Variants in SETD3 observed in about 807,000 individuals in gnomAD.
SETD3 encodes the protein actin-histidine N-methyltransferase.
Under a neutral mutation model 63.0 loss-of-function variants are expected in SETD3, and 19 were observed. The observed-to-expected ratio is 0.30, with a 90% CI of 0.21 to 0.44. The LOEUF is 0.44. Among genes scored for constraint, SETD3 ranks in the 20% least tolerant of loss-of-function variants. The pLI, the probability that SETD3 is intolerant of heterozygous loss-of-function variation, is 1.00. For synonymous variants in SETD3, 286 were observed against 264.1 expected (o/e 1.08, Z -0.80); for missense variants, 587 against 728.5 (o/e 0.81, Z 2.24).
At chr14:99,400,401 A>C (rs1211893231) in intron 11 of SETD3, 142 bp from the exon 12 acceptor site, 1 of 809,816 alleles carries the variant, frequency 1.2e-6, no homozygotes, top group Non-Finnish European at 1.9e-6. Flanking sequence ...GGGCCAGGCC[A>C]CTCCTAGACT....
At chr14:99,399,839 C>T (rs1169979440) in intron 12 of SETD3, among the ~76,000 whole-genome samples, 1 of 151,040 alleles carries the variant, frequency 6.6e-6, no homozygotes, top group Non-Finnish European at 1.5e-5. Flanking sequence ...CAACCTCCGC[C>T]TCCTGGGTTC....
chr14:99,482,519 T>A (rs1465117096), upstream of SETD3, among the ~76,000 whole-genome samples: 1 of 152,236 alleles, frequency 6.6e-6, no homozygotes, highest in Admixed American at 6.5e-5. Context: ...TGTTAAATAA[T>A]CTTGACTATG....
At chr14:99,424,903 A>C (rs2139674326) in intron 6 of SETD3, among the ~76,000 whole-genome samples, 1 of 152,250 alleles carries the variant, frequency 6.6e-6, no homozygotes, top group South Asian at 2.1e-4. Flanking sequence ...GGCCAGGCTG[A>C]GAAGGCTAGA....
At chr14:99,402,272 A>G (rs183904705) in intron 11 of SETD3, among the ~76,000 whole-genome samples, 72 of 152,238 alleles carry the variant, frequency 4.7e-4, no homozygotes, top group African/African-American at 1.7e-3. Flanking sequence ...TCCATGTACT[A>G]TGTTATCTGT....
rs1895340962 is a variant in SETD3, at chr14:99,465,833, A to G, written c.-8-20T>C. 1 of 1,553,756 alleles carries G rather than the reference A, an allele frequency of 6.4e-7. No homozygotes were observed. The highest frequency in any genetic ancestry group is 1.1e-5 in the South Asian group (1 of 88,660). ...TTCTGACTACAGAGAAGAGAAAGAA[A>G]AGAGAAAAAAATTACATTACCAAAG... is the stretch of plus-strand genomic sequence containing the variant. On this transcript the variant is annotated intron_variant, in intron 1 of 12. Coordinates refer to ENST00000331768, the MANE Select transcript of SETD3 (RefSeq NM_032233.3).
chr14:99,479,801 T>C (rs547176352), intron 1 of SETD3, among the ~76,000 whole-genome samples: 2 of 152,336 alleles, frequency 1.3e-5, no homozygotes, highest in East Asian at 3.9e-4. Context: ...CATCACCTTA[T>C]TTATTTAGAA....
chr14:99,451,075 TTAAGG>T (rs1451528571), intron 6 of SETD3, among the ~76,000 whole-genome samples: 2 of 152,204 alleles, frequency 1.3e-5, no homozygotes, highest in East Asian at 1.9e-4. Context: ...TTCAACTATG[TTAAGG>T]TAAGTAAAAT....
intron 8 of SETD3, among the ~76,000 whole-genome samples, chr14:99,409,294 G>C (rs1416087185): frequency 6.6e-6 from 1 of 152,144 alleles, no homozygotes; most frequent in Non-Finnish European, 1.5e-5. Context: ...AAAAGACACA[G>C]GGAGAAAAAA....
In SETD3 at chr14:99,398,968, A is replaced by G. The variant is rs749161821; in HGVS notation, c.1496T>C (p.Leu499Pro). 4 of 1,614,168 alleles carry G rather than the reference A, an allele frequency of 2.5e-6. No individual in the cohort carries two copies. The change falls in exon 13 of 13, where the codon CTT becomes CCT. Residue 499 changes from leucine (L) to proline (P), a missense_variant. By Grantham distance (98) the Leu-to-Pro change is moderately conservative. Transcript: ENST00000331768. ...YRQQMEEKAP[L>P]PKYEESNLGL... is the part of the protein sequence containing the mutation. ...AAGGTTACTCTCTTCATATTTGGGA[A>G]GCGGAGCCTTTTCCTCCATCTGTTG...
At chr14:99,425,773 A>C (rs1595181420) in intron 6 of SETD3, among the ~76,000 whole-genome samples, 1 of 152,278 alleles carries the variant, frequency 6.6e-6, no homozygotes, top group African/African-American at 2.4e-5. Flanking sequence ...TACAGAAGAG[A>C]ATCTCTTCTT....
intron 3 of SETD3, among the ~76,000 whole-genome samples, chr14:99,461,717 T>G (rs1489799928): frequency 1.3e-5 from 2 of 152,208 alleles, no homozygotes; most frequent in African/African-American, 4.8e-5. Context: ...CACATTTGCT[T>G]TAACAAAATT....
At chr14:99,403,455 A>ACACTCTCTCTCTCTCTCTCTCT (rs1416541957) in intron 11 of SETD3, among the ~76,000 whole-genome samples, 5 of 135,538 alleles carry the variant, frequency 3.7e-5, no homozygotes, top group South Asian at 4.7e-4. Flanking sequence ...ACACACACAC[A>ACACTCTCTCTCTCTCTCTCTCT]CTCTCTCTCT....
chr14:99,472,527 CAAAT>C (rs969235718), intron 1 of SETD3, among the ~76,000 whole-genome samples: 1 of 152,032 alleles, frequency 6.6e-6, no homozygotes, highest in Non-Finnish European at 1.5e-5. Flanking sequence ...ATGAGACACT[CAAAT>C]AGGTATTCTG....
At chr14:99,401,970 C>G (rs1390679996) in intron 11 of SETD3, among the ~76,000 whole-genome samples, 2 of 151,544 alleles carry the variant, frequency 1.3e-5, no homozygotes, top group African/African-American at 4.9e-5. Context: ...GGCCTGCCTG[C>G]AGGCCAGGAG....
intron 6 of SETD3, among the ~76,000 whole-genome samples, chr14:99,444,081 G>T (rs994782298): frequency 2.0e-5 from 3 of 152,132 alleles, no homozygotes; most frequent in African/African-American, 7.2e-5. Context: ...TGGCCAGGCT[G>T]AGCTAGTGGG....
Position 99,398,623 on chromosome 14 carries a change from A to G in SETD3, c.*56T>C. ...TTAACAAGGAAACACAGCGATGTGA[A>G]CGGACTGTCCGTCAACTCCTGCTCC... is the stretch of plus-strand genomic sequence containing the variant. On this transcript the variant is annotated 3_prime_UTR_variant, in exon 13 of 13. Transcript: ENST00000331768. 8 of 1,488,976 alleles carry G rather than the reference A, an allele frequency of 5.4e-6. No homozygotes were observed. The highest frequency in any genetic ancestry group is 7.4e-6 in the Non-Finnish European group (8 of 1,079,448). The allele number at this position is 1,488,976 out of a possible 1,614,324, so 92.2% of individuals were successfully genotyped here.
chr14:99,485,322 C>G (rs954751951), upstream of SETD3, among the ~76,000 whole-genome samples: 11 of 152,182 alleles, frequency 7.2e-5, no homozygotes, highest in African/African-American at 2.7e-4. Flanking sequence ...ACACTGTTCC[C>G]CGTTCTGCCC....
chr14:99,450,828 T>C (rs1218749964), intron 6 of SETD3, among the ~76,000 whole-genome samples: 7 of 152,220 alleles, frequency 4.6e-5, no homozygotes, highest in South Asian at 2.1e-4. Flanking sequence ...TTAATAGATA[T>C]GTCTCTATTC....
At position 99,461,204 on chromosome 14, in the gene SETD3, T is replaced by G. The variant is rs1895045210; in HGVS notation, c.333A>C (p.Thr111=). Reference sequence around the variant, plus strand: ...TTTATAAACTCACCTTGATATCTCTTGTTGCTCTCAAACCAAAGCCCTCTT... The same window carrying G: ...TTTATAAACTCACCTTGATATCTCTGGTTGCTCTCAAACCAAAGCCCTCTT... The part of the protein sequence containing the change: ...FKEEGFGLRA[T]RDIKAEELFL... Residue 111 remains threonine (T), a synonymous_variant, in exon 4 of 13, where the codon ACA becomes ACC. Coordinates refer to ENST00000331768, the MANE Select transcript of SETD3 (RefSeq NM_032233.3). The G allele has an allele frequency of 6.2e-7, 1 of 1,613,840 alleles. No individual in the cohort carries two copies. The highest frequency in any genetic ancestry group is 2.2e-5 in the East Asian group (1 of 44,898).
Sources: gnomAD v4.1 joint callset for allele counts (sites outside exome capture counted in the v4.1 genomes callset) on GRCh38, gnomAD v4.1.1 for gene constraint, MANE v1.5 for transcripts, NCBI Gene and HGNC (gene_info 2026-07-23, HGNC 2026-07-21) for gene names.